Variants in TARBP1 observed in about 807,000 individuals in gnomAD.
The protein encoded by TARBP1 is tRNA guanosine 2 -O-methyltransferase TARBP1, also known as tRNA (guanosine(18)-2'-O)-methyltransferase TARBP1.
TARBP1 carries 144 observed loss-of-function variants against 178.6 expected under a neutral mutation model. The observed-to-expected ratio is 0.81, with a 90% CI of 0.70 to 0.93. TARBP1 has a LOEUF of 0.93. TARBP1 is among the 40% of genes least tolerant of loss of function. TARBP1 has a pLI of 0.00. For synonymous variants in TARBP1, 787 were observed against 781.0 expected (o/e 1.01, Z -0.13); for missense variants, 2,067 against 2,011.7 (o/e 1.03, Z -0.53).
chr1:234,447,174 G>A (rs576407578), intron 11 of TARBP1, among the ~76,000 whole-genome samples, 199 bp from the exon 12 acceptor site: 2 of 152,156 alleles, frequency 1.3e-5, no homozygotes, highest in African/African-American at 4.8e-5. Flanking sequence ...ACTCACTAAA[G>A]AAGGCACAGG....
In TARBP1 at chr1:234,427,395, A is replaced by G. The variant is rs1359613213; in HGVS notation, c.3252-7T>C. On this transcript the variant is annotated splice_region_variant and splice_polypyrimidine_tract_variant and intron_variant, in intron 18 of 29. Coordinates refer to ENST00000040877, the MANE Select transcript of TARBP1 (RefSeq NM_005646.4). ...CTGTACATCCTGAACAAGTCTTTCC[A>G]TAAAAAACATTTGATAAAGAACAAC... The G allele has an allele frequency of 6.2e-7, 1 of 1,601,286 alleles. No homozygotes were observed. The highest frequency in any genetic ancestry group is 1.1e-5 in the South Asian group (1 of 87,196).
rs892764674 is a variant in TARBP1 at position 234,419,846 on chromosome 1, A to G, written c.3555+856T>C. 1.6e-4 allele frequency among the ~76,000 whole-genome samples: 25 copies of G among 152,070 alleles called. 1 individual carries two copies. Among genetic ancestry groups the G allele is most frequent in the African/African-American group, 6.0e-4 (25 of 41,408 alleles). On this transcript the variant is annotated intron_variant, in intron 21 of 29. Coordinates refer to ENST00000040877, the MANE Select transcript of TARBP1 (RefSeq NM_005646.4). Reference sequence around the variant, plus strand: ...AGCTATTTCCTCTTAAATTATTCCAAATTGTTTTATTTGAATATACTTATA... The same window carrying G: ...AGCTATTTCCTCTTAAATTATTCCAGATTGTTTTATTTGAATATACTTATA...
In TARBP1 at chr1:234,467,582, T is replaced by C; in HGVS notation, c.1168A>G (p.Ile390Val). ...TGGATAACACCTTCTTTGGACAGGATTTTGTTTTCACTTTCAAACATTCTT... is the reference window on the plus strand; with the variant it reads ...TGGATAACACCTTCTTTGGACAGGACTTTGTTTTCACTTTCAAACATTCTT... ...YKRMFESENKILSKEGVIHFL... is the reference protein window; with the variant it reads ...YKRMFESENKVLSKEGVIHFL... The change falls in exon 4 of 30, where the codon ATC becomes GTC. Residue 390 changes from isoleucine (I) to valine (V), a missense_variant. Physicochemically the swap from Ile to Val is conservative, Grantham distance 29. Transcript: ENST00000040877. 8.1e-6 allele frequency: 13 copies of C among 1,609,986 alleles called. No individual in the cohort carries two copies. The highest frequency in any genetic ancestry group is 1.3e-5 in the African/African-American group (1 of 74,862).
In TARBP1 at chr1:234,459,299, T is replaced by C; in HGVS notation, c.1563A>G (p.Thr521=). 6.2e-7 allele frequency: 1 copy of C among 1,613,218 alleles called. No individual in the cohort carries two copies. Among genetic ancestry groups the C allele is most frequent in the Non-Finnish European group, 8.5e-7 (1 of 1,179,650 alleles). The change falls in exon 8 of 30, where the codon ACA becomes ACG. Residue 521 remains threonine, a synonymous_variant. Transcript: ENST00000040877. The part of the protein sequence containing the change: ...LRDVIHCTMI[T]HQILLRGAAQ... ...CTGCCCCTCTCAGGAGAATCTGATG[T>C]GTGATCATAGTGCAATGAATAACAT... is the stretch of plus-strand genomic sequence containing the variant.
rs180723076 is a variant in TARBP1, at chr1:234,397,916, G to A, written c.4243+466C>T. ...GGAAAGGAGTCATTGTACAGGGAAG[G>A]ATGAGACAGAGGAGAAGGGATAACA... On this transcript the variant is annotated intron_variant, in intron 26 of 29. Coordinates refer to ENST00000040877, the MANE Select transcript of TARBP1 (RefSeq NM_005646.4). 1.5e-3 allele frequency among the ~76,000 whole-genome samples: 217 copies of A among 148,716 alleles called. 1 individual carries two copies. The East Asian group carries it at 0.021, about 14-fold the overall frequency.
chr1:234,462,389 C>T (rs749193250), intron 6 of TARBP1, among the ~76,000 whole-genome samples: 17 of 152,114 alleles, frequency 1.1e-4, no homozygotes, highest in Non-Finnish European at 2.4e-4. Context: ...TGAAATCTAC[C>T]AAACTAAAGA....
At position 234,478,922 on chromosome 1, in the gene TARBP1, GC is replaced by G. The variant is rs1251751033; in HGVS notation, c.181del (p.Ala61ArgfsTer37). On this transcript the variant is annotated frameshift_variant, in exon 1 of 30. Coordinates refer to ENST00000040877, the MANE Select transcript of TARBP1 (RefSeq NM_005646.4). LOFTEE classifies it high-confidence loss of function. The stretch of plus-strand genomic sequence containing the variant: ...GAGGTACCCTGCAGCCACCTCGCGC[GC>G]CGCCTCCGGGAGCGCGCCTGCGCCC... ...SGGAGALPEAAREVAAGYLVP... is the reference protein window; with the variant it reads ...SGGAGALPEAXREVAAGYLVP... 1 of 1,428,500 alleles carries G rather than the reference GC, an allele frequency of 7.0e-7. No individual in the cohort carries two copies. The allele number at this position is 1,428,500 out of a possible 1,614,324, so 88.5% of individuals were successfully genotyped here. A position where few individuals can be genotyped will look rare whatever the true frequency, so the allele number is the denominator to read the frequency against.
intron 21 of TARBP1, among the ~76,000 whole-genome samples, chr1:234,418,533 C>A (rs766369987): frequency 6.6e-6 from 1 of 152,180 alleles, no homozygotes; most frequent in Non-Finnish European, 1.5e-5. Context: ...AAGTCACATA[C>A]CTAGTAAGTG....
intron 21 of TARBP1, among the ~76,000 whole-genome samples, chr1:234,419,147 T>G (rs1662792864): frequency 6.6e-6 from 1 of 151,916 alleles, no homozygotes; most frequent in African/African-American, 2.4e-5. Flanking sequence ...CACTCCAGCC[T>G]GGGTGAAAGA....
At position 234,465,860 on chromosome 1, in the gene TARBP1, C is replaced by T. The variant is rs1290442121; in HGVS notation, c.1249-152G>A. 4.9e-6 allele frequency: 3 copies of T among 606,646 alleles called. No homozygotes were observed. The African/African-American group carries it at 5.7e-5, about 12-fold the overall frequency. 37.6% of individuals were successfully genotyped at this position (606,646 alleles called of 1,614,324 possible). A position where few individuals can be genotyped will look rare whatever the true frequency, so the allele number is the denominator to read the frequency against. On this transcript the variant is annotated intron_variant, in intron 4 of 29. Transcript: ENST00000040877. ...CTTACGCTGCAGGCTAAATTTAGTGCTGGTCCTGGAGGGGAAGCTTAATTC... is the reference window on the plus strand; with the variant it reads ...CTTACGCTGCAGGCTAAATTTAGTGTTGGTCCTGGAGGGGAAGCTTAATTC...
intron 22 of TARBP1, among the ~76,000 whole-genome samples, chr1:234,411,465 T>G (rs1411250363): frequency 6.6e-6 from 1 of 152,082 alleles, no homozygotes; most frequent in East Asian, 1.9e-4. Context: ...GCCTTCAGGA[T>G]GGGAAGGACT....
rs536703529 is a variant in TARBP1 at position 234,441,055 on chromosome 1, G to A, written c.2135-3683C>T. 4.6e-5 allele frequency among the ~76,000 whole-genome samples: 7 copies of A among 152,262 alleles called. No individual in the cohort carries two copies. In the East Asian group the frequency reaches 1.4e-3, roughly 29 times the overall value. On this transcript the variant is annotated intron_variant, in intron 12 of 29. Transcript: ENST00000040877. ...AAAGATTAACCAGGCATGGTGGTGAGCACCTGCAGTCCCAGCTACTTGGGG... is the reference window on the plus strand; with the variant it reads ...AAAGATTAACCAGGCATGGTGGTGAACACCTGCAGTCCCAGCTACTTGGGG...
At chr1:234,405,380 TG>T (rs1259127924) in intron 24 of TARBP1, 3 of 152,504 alleles carry the variant, frequency 2.0e-5, no homozygotes, top group Non-Finnish European at 4.4e-5. Context: ...GAGGCAGACA[TG>T]GGAACCACCG....
At chr1:234,404,245 T>C (rs1025692385) in intron 24 of TARBP1, among the ~76,000 whole-genome samples, 3 of 152,172 alleles carry the variant, frequency 2.0e-5, no homozygotes, top group African/African-American at 7.2e-5. Flanking sequence ...TGTTAAATTA[T>C]GGCAATTCCC....
chr1:234,475,665 C>CA (rs1212929764), intron 1 of TARBP1, among the ~76,000 whole-genome samples: 1 of 152,218 alleles, frequency 6.6e-6, no homozygotes, highest in Non-Finnish European at 1.5e-5. Flanking sequence ...GACGCTCAGA[C>CA]ACATGGGGCC....
intron 12 of TARBP1, among the ~76,000 whole-genome samples, chr1:234,438,363 G>A (rs924636659): frequency 6.6e-6 from 1 of 152,130 alleles, no homozygotes; most frequent in African/African-American, 2.4e-5. Context: ...AATCATTAAA[G>A]CAGCTCTAAT....
intron 24 of TARBP1, among the ~76,000 whole-genome samples, chr1:234,402,599 A>G (rs1447670492): frequency 2.0e-5 from 3 of 151,748 alleles, no homozygotes; most frequent in Admixed American, 2.0e-4. Flanking sequence ...TTTTTGAGAC[A>G]GGGTCTCACT....
chr1:234,392,656 GA>G (rs566376819), intron 28 of TARBP1, 104 bp from the exon 29 acceptor site: 1 of 958,704 alleles, frequency 1.0e-6, no homozygotes, highest in Non-Finnish European at 1.5e-6. Context: ...CTCTTTAAAA[GA>G]AAAAGGAGAG....
intron 20 of TARBP1, among the ~76,000 whole-genome samples, chr1:234,425,128 G>C (rs957591523): frequency 3.9e-5 from 6 of 152,032 alleles, no homozygotes; most frequent in Admixed American, 6.5e-5. Flanking sequence ...GGGTGGCTGA[G>C]GCAGGAGAAT....
Sources: gnomAD v4.1 joint callset for allele counts (sites outside exome capture counted in the v4.1 genomes callset) on GRCh38, gnomAD v4.1.1 for gene constraint, MANE v1.5 for transcripts, NCBI Gene and HGNC (gene_info 2026-07-23, HGNC 2026-07-21) for gene names.